Variants in DPP10 observed in about 807,000 individuals in gnomAD.
DPP10 encodes dipeptidyl peptidase like 10.
A neutral mutation model predicts 120.9 loss-of-function variants in DPP10; 33 were observed. The observed-to-expected ratio is 0.27, with a 90% CI of 0.21 to 0.37. DPP10 has a LOEUF of 0.37. DPP10 is among the 10% of genes least tolerant of loss of function. The pLI is 1.00. For missense variants in DPP10, 816 were observed against 942.8 expected, an observed-to-expected ratio of 0.87 and a Z score of 1.76; for synonymous variants, 337 against 326.1, an observed-to-expected ratio of 1.03 and a Z score of -0.36.
intron 1 of DPP10, among the ~76,000 whole-genome samples, chr2:114,477,520 T>C (rs1341052008): frequency 1.1e-5 from 1 of 91,154 alleles, no homozygotes; most frequent in Non-Finnish European, 2.4e-5. Context: ...TGTGTGTGTA[T>C]ATATGTATAT....
At chr2:114,783,893 T>C (rs2106206100) in intron 1 of DPP10, among the ~76,000 whole-genome samples, 1 of 152,124 alleles carries the variant, frequency 6.6e-6, no homozygotes, top group South Asian at 2.1e-4. Flanking sequence ...GTCACTGCTG[T>C]AGTGATCAGT....
chr2:114,809,471 C>G (rs1026242291), intron 1 of DPP10, among the ~76,000 whole-genome samples: 1 of 152,172 alleles, frequency 6.6e-6, no homozygotes, highest in Non-Finnish European at 1.5e-5. Context: ...TAAAAGTAGT[C>G]GATGCTGGAA....
intron 1 of DPP10, among the ~76,000 whole-genome samples, chr2:115,306,459 C>T (rs879665886): frequency 4.6e-5 from 7 of 152,000 alleles, no homozygotes; most frequent in Admixed American, 1.3e-4. Context: ...GCTGGGGAAA[C>T]GGGAGCGTGG....
At chr2:114,790,678 CA>C (rs1028229348) in intron 1 of DPP10, among the ~76,000 whole-genome samples, 34 of 151,494 alleles carry the variant, frequency 2.2e-4, no homozygotes, top group Admixed American at 7.9e-4. Flanking sequence ...TGGGGGTTCG[CA>C]AGGTGCTCAG....
At chr2:115,363,427 C>T (rs1205639580) in intron 3 of DPP10, among the ~76,000 whole-genome samples, 1 of 152,286 alleles carries the variant, frequency 6.6e-6, no homozygotes, top group East Asian at 1.9e-4. Flanking sequence ...TAAGTGGCAT[C>T]AGTGGTCTGA....
chr2:115,612,526 G>A (rs1396365869), intron 5 of DPP10, among the ~76,000 whole-genome samples: 1 of 152,056 alleles, frequency 6.6e-6, no homozygotes, highest in Non-Finnish European at 1.5e-5. Context: ...GTATAACAAA[G>A]TAGAATGTAT....
intron 3 of DPP10, among the ~76,000 whole-genome samples, chr2:115,400,804 C>A (rs1279972607): frequency 6.6e-6 from 1 of 152,148 alleles, no homozygotes; most frequent in Non-Finnish European, 1.5e-5. Flanking sequence ...CTTTCCAGGT[C>A]GCTGCCATCT....
intron 1 of DPP10, among the ~76,000 whole-genome samples, chr2:115,251,139 A>T (rs796324871): frequency 4.6e-5 from 7 of 152,278 alleles, no homozygotes; most frequent in African/African-American, 1.7e-4. Context: ...GAAGTACTTG[A>T]ATTTGCTATC....
rs59085479 is a variant in DPP10 at position 115,581,070 on chromosome 2, G to A, written c.441+55098G>A. Among the ~76,000 whole-genome samples the A allele has an allele frequency of 2.1e-4, 32 of 152,236 alleles. No individual in the cohort carries two copies. The East Asian group carries it at 4.6e-3, about 22-fold the overall frequency. On this transcript the variant is annotated intron_variant, in intron 5 of 25. Coordinates refer to ENST00000410059, the MANE Select transcript of DPP10 (RefSeq NM_020868.6). ...ATTGCCTGTAGGGCCTAAATTCTCC[G>A]TACGTCTAGTCAGCTGGGAGAAACC... is the stretch of plus-strand genomic sequence containing the variant.
chr2:115,252,634 G>C (rs1272139145), intron 1 of DPP10, among the ~76,000 whole-genome samples: 1 of 152,170 alleles, frequency 6.6e-6, no homozygotes, highest in African/African-American at 2.4e-5. Flanking sequence ...AATCTAATGG[G>C]TTTGGTGTTC....
intron 1 of DPP10, among the ~76,000 whole-genome samples, chr2:114,657,800 G>T (rs1697076929): frequency 6.6e-6 from 1 of 151,996 alleles, no homozygotes; most frequent in South Asian, 2.1e-4. Context: ...AACTACTTTT[G>T]GCTTAATAAT....
chr2:115,348,831 G>A (rs975457701), intron 3 of DPP10, among the ~76,000 whole-genome samples: 15 of 152,056 alleles, frequency 9.9e-5, no homozygotes, highest in Admixed American at 9.2e-4. Context: ...GACAACACCT[G>A]CTCAGTGATA....
chr2:115,001,846 C>T (rs549253975), intron 1 of DPP10, among the ~76,000 whole-genome samples: 1 of 152,116 alleles, frequency 6.6e-6, no homozygotes, highest in Non-Finnish European at 1.5e-5. Flanking sequence ...ACCTCTACAA[C>T]AAGAATTACA....
chr2:115,251,661 G>A (rs1443258141), intron 1 of DPP10, among the ~76,000 whole-genome samples: 1 of 152,080 alleles, frequency 6.6e-6, no homozygotes, highest in East Asian at 1.9e-4. Flanking sequence ...GCAATGTCAA[G>A]GTTTACATAC....
intron 1 of DPP10, among the ~76,000 whole-genome samples, chr2:115,060,174 A>G (rs2105387684): frequency 6.7e-6 from 1 of 150,372 alleles, no homozygotes; most frequent in South Asian, 2.1e-4. Context: ...AGATAGATAG[A>G]TATATAGAGG....
At chr2:114,887,956 A>G (rs996756604) in intron 1 of DPP10, among the ~76,000 whole-genome samples, 3 of 151,966 alleles carry the variant, frequency 2.0e-5, no homozygotes, top group Admixed American at 2.0e-4. Flanking sequence ...TGGCTAACAC[A>G]GTGAAACCCC....
At chr2:115,412,721 T>G (rs1469896508) in intron 3 of DPP10, among the ~76,000 whole-genome samples, 3 of 152,232 alleles carry the variant, frequency 2.0e-5, no homozygotes, top group Non-Finnish European at 4.4e-5. Flanking sequence ...CCTTGTTTAC[T>G]TAATGTGGTT....
At chr2:114,687,215 C>G (rs1239836682) in intron 1 of DPP10, among the ~76,000 whole-genome samples, 2 of 151,832 alleles carry the variant, frequency 1.3e-5, no homozygotes, top group Non-Finnish European at 2.9e-5. Flanking sequence ...GCTTATTTTC[C>G]CCATCTGACC....
intron 1 of DPP10, among the ~76,000 whole-genome samples, chr2:114,982,076 G>A (rs1166473179): frequency 2.0e-5 from 3 of 150,946 alleles, no homozygotes; most frequent in Non-Finnish European, 4.4e-5. Context: ...TGTCTTTTTT[G>A]GTAGAGATGG....
Sources: gnomAD v4.1 joint callset for allele counts (sites outside exome capture counted in the v4.1 genomes callset) on GRCh38, gnomAD v4.1.1 for gene constraint, MANE v1.5 for transcripts, NCBI Gene and HGNC (gene_info 2026-07-23, HGNC 2026-07-21) for gene names.